Variants in STT3A observed in about 807,000 individuals in gnomAD.
The protein encoded by STT3A is STT3 oligosaccharyltransferase complex catalytic subunit A, also known as dolichyl-diphosphooligosaccharide--protein glycosyltransferase subunit STT3A.
In STT3A, 34 loss-of-function variants were observed where a neutral mutation model predicts 89.2. That is an observed-to-expected ratio of 0.38 (90% CI 0.29 to 0.51). The LOEUF is 0.51. STT3A is among the 20% of genes least tolerant of loss of function. STT3A has a pLI of 0.89. For synonymous variants in STT3A, 282 were observed against 310.3 expected (o/e 0.91, Z 0.96); for missense variants, 555 against 889.5 (o/e 0.62, Z 4.78).
intron 10 of STT3A, among the ~76,000 whole-genome samples, chr11:125,610,151 C>T (rs1249306403): frequency 6.7e-6 from 1 of 148,974 alleles, no homozygotes; most frequent in African/African-American, 2.5e-5. Flanking sequence ...CGGCCTCTGC[C>T]TCCTGGGCTC....
intron 6 of STT3A, among the ~76,000 whole-genome samples, chr11:125,604,599 G>A (rs1047047050): frequency 3.9e-5 from 6 of 152,186 alleles, no homozygotes; most frequent in Admixed American, 1.3e-4. Context: ...TTTGTTGAAT[G>A]TTATTGGGAA....
rs575811836 is a variant in STT3A, at chr11:125,617,579, G to A, written c.1775-794G>A. Among the ~76,000 whole-genome samples the A allele has an allele frequency of 7.9e-5, 12 of 152,322 alleles. No individual in the cohort carries two copies. The East Asian group carries it at 2.3e-3, about 29-fold the overall frequency. On this transcript the variant is annotated intron_variant, in intron 15 of 17. Coordinates refer to ENST00000392708, the MANE Select transcript of STT3A (RefSeq NM_152713.5). Reference sequence around the variant, plus strand: ...CTGTGCAAGCAATACAGTAAATGATGAACCCTAAAAGAGATATCATGAGTT... The same window carrying A: ...CTGTGCAAGCAATACAGTAAATGATAAACCCTAAAAGAGATATCATGAGTT...
chr11:125,618,311 T>C (rs1565352700), intron 15 of STT3A, 62 bp from the exon 16 acceptor site: 5 of 1,464,498 alleles, frequency 3.4e-6, no homozygotes, highest in Non-Finnish European at 4.6e-6. Flanking sequence ...TTAGAAATAC[T>C]AACCTGCTTT....
At chr11:125,615,584 G>C (rs867667622) in intron 15 of STT3A, among the ~76,000 whole-genome samples, 2 of 152,100 alleles carry the variant, frequency 1.3e-5, no homozygotes, top group African/African-American at 4.8e-5. Context: ...AAGTATTATA[G>C]GTAATCTAGA....
intron 7 of STT3A, 135 bp from the exon 8 acceptor site, chr11:125,606,166 T>C (rs1939829688): frequency 1.2e-6 from 1 of 858,732 alleles, no homozygotes; most frequent in Admixed American, 2.8e-5. Flanking sequence ...TTGAACTCTT[T>C]AAGCCATTTG....
chr11:125,612,258 G>A (rs1940047746), intron 11 of STT3A, among the ~76,000 whole-genome samples: 1 of 152,058 alleles, frequency 6.6e-6, no homozygotes, highest in Admixed American at 6.5e-5. Context: ...ATACTGTATT[G>A]TTTAGGGAAC....
At position 125,595,896 on chromosome 11, in the gene STT3A, T is replaced by G. The variant is rs1244003998; in HGVS notation, c.-20T>G. 2 of 1,561,828 alleles carry G rather than the reference T, an allele frequency of 1.3e-6. No individual in the cohort carries two copies. The highest frequency in any genetic ancestry group is 1.4e-5 in the African/African-American group (1 of 73,554). On this transcript the variant is annotated 5_prime_UTR_variant, in exon 2 of 18. Coordinates refer to ENST00000392708, the MANE Select transcript of STT3A (RefSeq NM_152713.5). ...TTCATTTTAGCTGATCGTCGTGTGT[T>G]GCCACCCATTCATGTCAAGATGACT...
At chr11:125,617,726 T>C (rs992908053) in intron 15 of STT3A, among the ~76,000 whole-genome samples, 6 of 152,240 alleles carry the variant, frequency 3.9e-5, no homozygotes, top group African/African-American at 1.4e-4. Flanking sequence ...AGAAGACTCA[T>C]GTCTTGTCTA....
intron 4 of STT3A, 102 bp downstream of exon 4, chr11:125,602,526 C>A: frequency 7.6e-7 from 1 of 1,323,138 alleles, no homozygotes; most frequent in Non-Finnish European, 1.0e-6. Flanking sequence ...TCTTGTGACA[C>A]TTGTAATTTC....
In STT3A at chr11:125,602,556, A is replaced by T. The variant is rs866976725; in HGVS notation, c.271+132A>T. On this transcript the variant is annotated intron_variant, in intron 4 of 17. Coordinates refer to ENST00000392708, the MANE Select transcript of STT3A (RefSeq NM_152713.5). ...AATTTCATCCTGATTACAGGTTCCT[A>T]AAAGTGCATCTTACATAAACAGGAG... The T allele has an allele frequency of 3.3e-6, 4 of 1,206,136 alleles. No individual in the cohort carries two copies. The South Asian group carries it at 6.7e-5, about 20-fold the overall frequency. 74.7% of individuals were successfully genotyped at this position (1,206,136 alleles called of 1,614,324 possible).
Position 125,614,455 on chromosome 11 carries a change from C to T in STT3A, c.1774+29C>T. The stretch of plus-strand genomic sequence containing the variant: ...ATATACTTGATTCTGTTTCTAGCTG[C>T]AGGACATAGATTCTAAGAAAACTAG... On this transcript the variant is annotated intron_variant, in intron 15 of 17. Transcript: ENST00000392708. The surrounding 1 kb of genome is among the most constrained non-coding windows in gnomAD (Gnocchi z 4.9). 1 of 1,586,976 alleles carries T rather than the reference C, an allele frequency of 6.3e-7. No individual in the cohort carries two copies. The highest frequency in any genetic ancestry group is 1.1e-5 in the South Asian group (1 of 89,996).
rs750520403 is a variant in STT3A at position 125,614,104 on chromosome 11, C to T, written c.1572C>T (p.Ser524=). ...HNTPEDAKVM[S]WWDYGYQITA... is the part of the protein sequence containing the mutation. ...ACTTTCAGGATGCGAAGGTCATGTCCTGGTGGGATTATGGCTATCAGATTA... is the reference window on the plus strand; with the variant it reads ...ACTTTCAGGATGCGAAGGTCATGTCTTGGTGGGATTATGGCTATCAGATTA... The change falls in exon 14 of 18, where the codon TCC becomes TCT. Residue 524 remains serine (S), a synonymous_variant. Coordinates refer to ENST00000392708, the MANE Select transcript of STT3A (RefSeq NM_152713.5). This position sits in a 1 kb window ranked among gnomAD's most constrained non-coding sequence, Gnocchi z 4.9. The T allele has an allele frequency of 1.9e-6, 3 of 1,614,018 alleles. No homozygotes were observed. Among genetic ancestry groups the T allele is most frequent in the South Asian group, 2.2e-5 (2 of 91,064 alleles).
chr11:125,602,391 T>C lies in STT3A; in HGVS notation c.238T>C (p.Leu80=). 6.2e-7 allele frequency: 1 copy of C among 1,613,240 alleles called. No homozygotes were observed. The highest frequency in any genetic ancestry group is 1.1e-5 in the South Asian group (1 of 90,856). ...NWFDDRAWYP[L]GRIIGGTIYP... ...GTTTGATGACCGAGCCTGGTACCCT[T>C]TGGGACGAATCATTGGAGGAACAAT... Residue 80 remains leucine (L), a synonymous_variant, in exon 4 of 18, where the codon TTG becomes CTG. Transcript: ENST00000392708.
chr11:125,602,682 T>A (rs1939721638), intron 4 of STT3A, 121 bp from the exon 5 acceptor site: 1 of 1,335,658 alleles, frequency 7.5e-7, no homozygotes, highest in South Asian at 1.4e-5. Context: ...GTTGCTATGT[T>A]AGTATTTCTG....
At chr11:125,601,954 G>A (rs537029314) in intron 3 of STT3A, among the ~76,000 whole-genome samples, 7 of 151,866 alleles carry the variant, frequency 4.6e-5, no homozygotes, top group East Asian at 3.9e-4. Context: ...ACATGCCACC[G>A]TGCCCAGCTA....
rs1187136038 is a variant in STT3A, at chr11:125,621,052, T to A, written c.*242T>A. 1 of 398,890 alleles carries A rather than the reference T, an allele frequency of 2.5e-6. No individual in the cohort carries two copies. The highest frequency in any genetic ancestry group is 4.5e-6 in the Non-Finnish European group (1 of 224,346). The allele number at this position is 398,890 out of a possible 1,614,324, so 24.7% of individuals were successfully genotyped here. A position where few individuals can be genotyped will look rare whatever the true frequency, so the allele number is the denominator to read the frequency against. ...ACTTTGGTCAATTAAAGGGGGGAAT[T>A]TTTTTAAAAAATGTGCCTTATTTGT... On this transcript the variant is annotated 3_prime_UTR_variant, in exon 18 of 18. Transcript: ENST00000392708.
chr11:125,623,061 A>G lies in STT3A; in HGVS notation c.*2251A>G, dbSNP rs1409082538. The G allele has an allele frequency of 8.1e-6, 1 of 124,186 alleles. No individual in the cohort carries two copies. Among genetic ancestry groups the G allele is most frequent in the East Asian group, 2.3e-4 (1 of 4,364 alleles). 7.7% of individuals were successfully genotyped at this position (124,186 alleles called of 1,614,324 possible). A position where few individuals can be genotyped will look rare whatever the true frequency, so the allele number is the denominator to read the frequency against. ...ACTCCAACCTGGGAGACAGAGCAAG[A>G]CTGTCTCAAAAAAAAAAAAAAAAAA... On this transcript the variant is annotated 3_prime_UTR_variant, in exon 18 of 18. Transcript: ENST00000392708.
intron 1 of STT3A, chr11:125,593,544 C>G (rs571269259): frequency 1.3e-5 from 2 of 152,216 alleles, no homozygotes; most frequent in African/African-American, 4.8e-5. Context: ...ATGACTAGCT[C>G]GTTTACTCAA....
chr11:125,594,575 T>C, intron 1 of STT3A, among the ~76,000 whole-genome samples: 2 of 97,838 alleles, frequency 2.0e-5, no homozygotes, highest in Non-Finnish European at 2.0e-5. Flanking sequence ...AGAGCAAGAC[T>C]CCGTCTCAAA....
Sources: gnomAD v4.1 joint callset for allele counts (sites outside exome capture counted in the v4.1 genomes callset) on GRCh38, gnomAD v4.1.1 for gene constraint, Gnocchi (gnomAD v3.1) non-coding constraint, MANE v1.5 for transcripts, NCBI Gene and HGNC (gene_info 2026-07-23, HGNC 2026-07-21) for gene names.